POLA1: variants seen among roughly 807,000 people sequenced by gnomAD.
The protein encoded by POLA1 is DNA polymerase alpha 1, catalytic subunit.
A neutral mutation model predicts 124.0 loss-of-function variants in POLA1; 15 were observed. That is an observed-to-expected ratio of 0.12 (90% CI 0.08 to 0.19). The LOEUF (loss-of-function observed/expected upper bound fraction) is 0.19. POLA1 is among the 10% of genes least tolerant of loss of function. The pLI is 1.00. For missense variants in POLA1, 886 were observed against 1,103.4 expected (o/e 0.80, Z 2.79); for synonymous variants, 408 against 389.4 (o/e 1.05, Z -0.56).
intron 35 of POLA1, among the ~76,000 whole-genome samples, chrX:24,893,133 T>A (rs1164945427): frequency 1.8e-5 from 2 of 111,845 alleles, no homozygotes; most frequent in African/African-American, 6.5e-5. Context: ...GTTTCTTTTT[T>A]CAGAAGAAAA....
At chrX:24,779,290 G>T (rs1602374483) in intron 26 of POLA1, among the ~76,000 whole-genome samples, 1 of 111,352 alleles carries the variant, frequency 9.0e-6, no homozygotes, top group Non-Finnish European at 1.9e-5. Context: ...CCTTGGCCAG[G>T]CTGGTCTCGA....
chrX:24,977,670 G>A (rs1338051913), intron 36 of POLA1, among the ~76,000 whole-genome samples: 1 of 112,102 alleles, frequency 8.9e-6, no homozygotes, highest in African/African-American at 3.2e-5. Flanking sequence ...TAATTTCTAA[G>A]AACTAGAATT....
At chrX:24,967,173 A>G (rs1029426468) in intron 36 of POLA1, among the ~76,000 whole-genome samples, 2 of 107,004 alleles carry the variant, frequency 1.9e-5, no homozygotes, top group African/African-American at 6.8e-5. Flanking sequence ...TTCACAGAAC[A>G]TTTTTCTTTT....
intron 36 of POLA1, among the ~76,000 whole-genome samples, chrX:24,944,337 G>A (rs908692507): frequency 1.8e-5 from 2 of 110,859 alleles, no homozygotes; most frequent in Admixed American, 1.9e-4. Context: ...CTTTTATAAA[G>A]GTTTTGTTAT....
At chrX:24,994,322 C>T (rs1169269332) in intron 36 of POLA1, among the ~76,000 whole-genome samples, 1 of 112,892 alleles carries the variant, frequency 8.9e-6, no homozygotes, top group Non-Finnish European at 1.9e-5. Flanking sequence ...AGAGCAAATG[C>T]GAATGTATAG....
At chrX:24,942,199 A>G (rs2047915839) in intron 36 of POLA1, among the ~76,000 whole-genome samples, 1 of 112,124 alleles carries the variant, frequency 8.9e-6, no homozygotes, top group African/African-American at 3.2e-5. Context: ...TTTCCAGACA[A>G]TTCCATTGTA....
At chrX:24,815,162 C>T (rs1299129188) in intron 30 of POLA1, 51 bp downstream of exon 30, 1 of 1,090,850 alleles carries the variant, frequency 9.2e-7, no homozygotes, top group East Asian at 3.1e-5. Flanking sequence ...TGTTTTTCAC[C>T]TCCTTCAGAT....
In POLA1 at chrX:24,707,721, C is replaced by T. The variant is rs763791976; in HGVS notation, c.346+3252C>T. Among the ~76,000 whole-genome samples the T allele has an allele frequency of 4.4e-5, 5 of 112,467 alleles. No individual in the cohort carries two copies. The South Asian group carries it at 1.1e-3, about 25-fold the overall frequency. On this transcript the variant is annotated intron_variant, in intron 4 of 36. Transcript: ENST00000379068. ...TCAAACAGAGAAAAATGGCCGGGTG[C>T]GGTGGCTCACGCCTGTAATCCCAGC...
At chrX:24,822,013 A>G (rs1414386780) in intron 31 of POLA1, among the ~76,000 whole-genome samples, 1 of 110,952 alleles carries the variant, frequency 9.0e-6, no homozygotes, top group Non-Finnish European at 1.9e-5. Flanking sequence ...CTATGAACAT[A>G]CCCTATGAGG....
intron 34 of POLA1, among the ~76,000 whole-genome samples, chrX:24,852,341 G>A (rs759397754): frequency 8.3e-5 from 9 of 107,959 alleles, no homozygotes; most frequent in Non-Finnish European, 1.3e-4. Flanking sequence ...ACAGAGTTTC[G>A]CTCTTGTTGC....
chrX:24,964,913 G>A (rs1200953254), intron 36 of POLA1, among the ~76,000 whole-genome samples: 1 of 112,124 alleles, frequency 8.9e-6, no homozygotes, highest in African/African-American at 3.2e-5. Flanking sequence ...TTCCCATGAA[G>A]ATGGTAAGAA....
At chrX:24,977,913 C>T (rs750977765) in intron 36 of POLA1, among the ~76,000 whole-genome samples, 10 of 111,076 alleles carry the variant, frequency 9.0e-5, no homozygotes, top group Non-Finnish European at 1.7e-4. Flanking sequence ...GGTTTGGGGT[C>T]TCTGTCTTGA....
intron 34 of POLA1, among the ~76,000 whole-genome samples, chrX:24,844,382 G>C (rs1222721940): frequency 9.3e-6 from 1 of 107,643 alleles, no homozygotes; most frequent in African/African-American, 3.4e-5. Context: ...ATTTTTCTTA[G>C]TGTTTCAGTA....
At chrX:24,921,996 A>G (rs1156401182) in intron 35 of POLA1, among the ~76,000 whole-genome samples, 1 of 110,559 alleles carries the variant, frequency 9.0e-6, no homozygotes, top group East Asian at 2.8e-4. Flanking sequence ...TTTTTGGCCA[A>G]TAAGAAGACA....
At chrX:24,809,760 G>A in intron 26 of POLA1, 138 bp from the exon 27 acceptor site, 1 of 400,905 alleles carries the variant, frequency 2.5e-6, no homozygotes, top group Non-Finnish European at 4.2e-6. Flanking sequence ...TTATTTTAAG[G>A]GCTGTTGTTA....
intron 35 of POLA1, among the ~76,000 whole-genome samples, chrX:24,912,994 G>A (rs1354546722): frequency 8.9e-6 from 1 of 111,946 alleles, no homozygotes; most frequent in African/African-American, 3.2e-5. Context: ...TGATCCAGCA[G>A]TCCTGTTCCT....
At position 24,939,479 on chromosome X, in the gene POLA1, A is replaced by G. The variant is rs142934779; in HGVS notation, c.4261+8930A>G. Among the ~76,000 whole-genome samples the G allele has an allele frequency of 6.9e-4, 77 of 112,172 alleles. 1 individual carries two copies. The East Asian group carries it at 0.021, about 30-fold the overall frequency. ...AATTATACATCTTAATTACGTAATT[A>G]CTATCATAATTATTATGTAATTGCA... On this transcript the variant is annotated intron_variant, in intron 36 of 36. Coordinates refer to ENST00000379068, the MANE Select transcript of POLA1 (RefSeq NM_001330360.2).
Position 24,995,986 on chromosome X carries a change from A to G in POLA1, c.*36A>G, listed in dbSNP as rs2048601891. 8.5e-7 allele frequency: 1 copy of G among 1,171,860 alleles called. No individual in the cohort carries two copies. Among genetic ancestry groups the G allele is most frequent in the African/African-American group, 1.8e-5 (1 of 56,883 alleles). ...GGAGTAACCAAGGAGGGGGTAGTTG[A>G]AAAATCCCAGCTTCCTCTGTGCCTC... On this transcript the variant is annotated 3_prime_UTR_variant, in exon 37 of 37. Coordinates refer to ENST00000379068, the MANE Select transcript of POLA1 (RefSeq NM_001330360.2).
chrX:24,885,397 G>C (rs2047051746), intron 34 of POLA1, among the ~76,000 whole-genome samples: 1 of 111,772 alleles, frequency 8.9e-6, no homozygotes, highest in Admixed American at 9.5e-5. Flanking sequence ...AAAACAACTA[G>C]TCTTACCTTT....
Sources: gnomAD v4.1 joint callset for allele counts (sites outside exome capture counted in the v4.1 genomes callset) on GRCh38, gnomAD v4.1.1 for gene constraint, MANE v1.5 for transcripts, NCBI Gene and HGNC (gene_info 2026-07-23, HGNC 2026-07-21) for gene names.